CHRNA7: variants seen among roughly 807,000 people sequenced by gnomAD.
CHRNA7 encodes the protein neuronal acetylcholine receptor subunit alpha-7.
Under a neutral mutation model 48.0 loss-of-function variants are expected in CHRNA7, and 17 were observed. That is an observed-to-expected ratio of 0.35 (90% CI 0.24 to 0.53). The LOEUF (loss-of-function observed/expected upper bound fraction) is 0.53. Among genes scored for constraint, CHRNA7 ranks in the 20% least tolerant of loss-of-function variants. The pLI, the probability that CHRNA7 is intolerant of heterozygous loss-of-function variation, is 0.92. For missense variants in CHRNA7, 155 were observed against 577.7 expected (o/e 0.27, Z 7.50); for synonymous variants, 75 against 242.3 (o/e 0.31, Z 6.41).
intron 2 of CHRNA7, among the ~76,000 whole-genome samples, chr15:32,096,937 G>T (rs538241236): frequency 6.6e-6 from 1 of 152,194 alleles, no homozygotes; most frequent in African/African-American, 2.4e-5. Context: ...TCTGTGGCGG[G>T]CTGGGGACCC....
Position 32,037,034 on chromosome 15 carries a change from A to G in CHRNA7, c.195+5997A>G, listed in dbSNP as rs925231886. Among the ~76,000 whole-genome samples the G allele has an allele frequency of 4.6e-5, 7 of 152,012 alleles. No homozygotes were observed. In the East Asian group the frequency reaches 7.7e-4, roughly 17 times the overall value. ...TCCAAGGTCATACAGGTTTTCCTCT[A>G]TTATCTTCTAGGAGTTTTATAGTTT... On this transcript the variant is annotated intron_variant, in intron 2 of 9. Transcript: ENST00000306901.
intron 4 of CHRNA7, among the ~76,000 whole-genome samples, chr15:32,126,653 G>A (rs2051071891): frequency 6.6e-6 from 1 of 151,962 alleles, no homozygotes; most frequent in South Asian, 2.1e-4. Context: ...TTTTCCATGG[G>A]TTTTTCTCAT....
chr15:32,145,103 G>C (rs2051460198), intron 4 of CHRNA7, among the ~76,000 whole-genome samples: 1 of 152,104 alleles, frequency 6.6e-6, no homozygotes, highest in Non-Finnish European at 1.5e-5. Flanking sequence ...GTTTTGGTGT[G>C]GATGTCCCTT....
intron 2 of CHRNA7, 107 bp from the exon 3 acceptor site, chr15:32,101,194 CCA>C (rs756677846): frequency 5.0e-4 from 584 of 1,166,948 alleles, no homozygotes; most frequent in Admixed American, 7.1e-4. Flanking sequence ...ATTCTAATTT[CCA>C]CACACAACAA....
chr15:32,035,607 T>TG (rs1465596860), intron 2 of CHRNA7, among the ~76,000 whole-genome samples: 5 of 152,170 alleles, frequency 3.3e-5, no homozygotes, highest in African/African-American at 4.8e-5. Context: ...TGAATTCCTT[T>TG]GGGGGGCCCT....
At chr15:32,123,736 T>C (rs74720371) in intron 4 of CHRNA7, among the ~76,000 whole-genome samples, 2,397 of 152,248 alleles carry the variant, frequency 0.016, 25 homozygotes, top group Non-Finnish European at 0.024. Flanking sequence ...GTTCTTTTCA[T>C]AGAAGCCCTT....
chr15:32,128,017 T>C (rs1595478357), intron 4 of CHRNA7, among the ~76,000 whole-genome samples: 2 of 152,170 alleles, frequency 1.3e-5, no homozygotes, highest in Non-Finnish European at 2.9e-5. Context: ...CATCAAAGTT[T>C]ATCCTTTTGC....
intron 2 of CHRNA7, among the ~76,000 whole-genome samples, chr15:32,082,170 TG>T (rs2050226764): frequency 6.6e-6 from 1 of 152,136 alleles, no homozygotes; most frequent in African/African-American, 2.4e-5. Context: ...TTGACTGTGA[TG>T]TGTCGTGGTG....
At chr15:32,115,037 C>T (rs146246685) in intron 4 of CHRNA7, among the ~76,000 whole-genome samples, 1 of 152,230 alleles carries the variant, frequency 6.6e-6, no homozygotes, top group African/African-American at 2.4e-5. Flanking sequence ...GCCAGCAGTG[C>T]TCTGACAGGA....
rs2051580479 is a variant in CHRNA7, at chr15:32,149,695, A to G, written c.351-4212A>G. ...TATGTGTTACAATTTCATGTAGCTC[A>G]ATATTCTGTTTGGATGAAAAACATT... is the stretch of plus-strand genomic sequence containing the variant. On this transcript the variant is annotated intron_variant, in intron 4 of 9. Transcript: ENST00000306901. This position sits in a 1 kb window ranked among gnomAD's most constrained non-coding sequence, Gnocchi z 4.6. Among the ~76,000 whole-genome samples the G allele has an allele frequency of 6.6e-6, 1 of 152,170 alleles. No individual in the cohort carries two copies. Among genetic ancestry groups the G allele is most frequent in the Admixed American group, 6.5e-5 (1 of 15,278 alleles).
At chr15:32,127,261 TA>T (rs1266578377) in intron 4 of CHRNA7, among the ~76,000 whole-genome samples, 2 of 152,184 alleles carry the variant, frequency 1.3e-5, no homozygotes, top group African/African-American at 4.8e-5. Flanking sequence ...ATTGCAATCA[TA>T]GCTTCTATAA....
At chr15:32,136,806 C>T (rs979816425) in intron 4 of CHRNA7, among the ~76,000 whole-genome samples, 127 of 151,614 alleles carry the variant, frequency 8.4e-4, no homozygotes, top group African/African-American at 2.9e-3. Flanking sequence ...CCGGGGCGGG[C>T]GGATCACGAG....
chr15:32,085,797 A>G (rs938403388), intron 2 of CHRNA7, among the ~76,000 whole-genome samples: 14 of 152,162 alleles, frequency 9.2e-5, no homozygotes, highest in African/African-American at 3.1e-4. Context: ...CTTGGACGGC[A>G]GTGTAGCTGG....
chr15:32,145,771 G>A (rs935897925), intron 4 of CHRNA7, among the ~76,000 whole-genome samples: 11 of 152,200 alleles, frequency 7.2e-5, no homozygotes, highest in Non-Finnish European at 1.0e-4. Flanking sequence ...CGCTAAGACC[G>A]TTGAAAAGTG....
intron 4 of CHRNA7, among the ~76,000 whole-genome samples, chr15:32,115,489 C>A (rs1192587386): frequency 6.6e-6 from 1 of 152,038 alleles, no homozygotes; most frequent in South Asian, 2.1e-4. Flanking sequence ...GCTGACCAGC[C>A]TATCCCTACC....
intron 2 of CHRNA7, among the ~76,000 whole-genome samples, chr15:32,055,849 GGC>G (rs1385363579): frequency 6.6e-6 from 1 of 152,100 alleles, no homozygotes; most frequent in East Asian, 1.9e-4. Flanking sequence ...CGTGGTAGCA[GGC>G]GCCTGTAGTC....
At chr15:32,104,772 T>C (rs142875517) in intron 3 of CHRNA7, among the ~76,000 whole-genome samples, 1 of 152,308 alleles carries the variant, frequency 6.6e-6, no homozygotes, top group East Asian at 1.9e-4. Flanking sequence ...ACTTTCGTAC[T>C]GTGTGTATAA....
At chr15:32,101,092 G>T in intron 2 of CHRNA7, 1 of 502,424 alleles carries the variant, frequency 2.0e-6, no homozygotes, top group South Asian at 3.7e-5. Flanking sequence ...TCTTTTTTAA[G>T]TGCTGTATAA....
intron 4 of CHRNA7, among the ~76,000 whole-genome samples, chr15:32,142,787 C>T (rs889647298): frequency 4.6e-5 from 7 of 151,890 alleles, no homozygotes; most frequent in African/African-American, 9.7e-5. Flanking sequence ...TTTTTTATTG[C>T]GTCTATTTGA....
Sources: allele counts gnomAD v4.1 joint callset (sites outside exome capture counted in the v4.1 genomes callset), GRCh38; gene constraint gnomAD v4.1.1; non-coding constraint Gnocchi (gnomAD v3.1); transcripts MANE v1.5; gene names NCBI Gene and HGNC (gene_info 2026-07-23, HGNC 2026-07-21).